The following SPATA13 variants were observed in gnomAD, a reference collection of about 807,000 sequenced individuals.
The protein encoded by SPATA13 is spermatogenesis associated 13.
SPATA13 carries 50 observed loss-of-function variants against 104.0 expected under a neutral mutation model. The observed-to-expected ratio is 0.48, with a 90% CI of 0.38 to 0.61. SPATA13 has a LOEUF of 0.61. Among genes scored for constraint, SPATA13 ranks in the 20% least tolerant of loss-of-function variants. The pLI is 0.00. For missense variants in SPATA13, 1,524 were observed against 1,690.6 expected (o/e 0.90, Z 1.73); for synonymous variants, 606 against 667.5 (o/e 0.91, Z 1.42).
chr13:24,278,873 T>TTTCCTCCCTTCC (rs1875221764), intron 4 of SPATA13: 1 of 1,090,772 alleles, frequency 9.2e-7, no homozygotes, highest in Admixed American at 3.7e-5. Flanking sequence ...GCTGTTTTTC[T>TTTCCTCCCTTCC]TTCCTTCCTT....
In SPATA13 at chr13:23,993,978, T is replaced by C. The variant is rs572403741; in HGVS notation, c.-147+10045T>C. On this transcript the variant is annotated intron_variant, in intron 2 of 14. Coordinates refer to the SPATA13 transcript ENST00000424834. ...TGGGTGATGGTGGTGGTGTTTTTTT[T>C]TTTTTTTCTTTTTTTTTTTTGACAA... 4.8e-3 allele frequency among the ~76,000 whole-genome samples: 527 copies of C among 110,084 alleles called. 4 individuals are homozygous for C. Among genetic ancestry groups the C allele is most frequent in the African/African-American group, 0.017 (497 of 29,884 alleles). The allele number at this position is 110,084 out of a possible 152,430, so 72.2% of individuals were successfully genotyped here.
chr13:24,100,702 G>A (rs1447350768), intron 3 of SPATA13, among the ~76,000 whole-genome samples: 1 of 151,992 alleles, frequency 6.6e-6, no homozygotes, highest in African/African-American at 2.4e-5. Flanking sequence ...CTACTCACCA[G>A]TTCTGTTTCT....
At chr13:24,129,010 G>A (rs1881309934) in intron 3 of SPATA13, among the ~76,000 whole-genome samples, 2 of 152,330 alleles carry the variant, frequency 1.3e-5, no homozygotes, top group Middle Eastern at 3.4e-3. Context: ...ACTCTACACC[G>A]GGGTAAGTGA....
At chr13:24,210,487 A>G (rs187974217) in intron 1 of SPATA13, among the ~76,000 whole-genome samples, 170 of 152,212 alleles carry the variant, frequency 1.1e-3, no homozygotes, top group Non-Finnish European at 1.8e-3. Context: ...GTGGATATTC[A>G]GTTTTCCCAG....
At position 24,224,082 on chromosome 13, in the gene SPATA13, G is replaced by T; in HGVS notation, c.1153G>T (p.Ala385Ser). The T allele has an allele frequency of 1.3e-6, 2 of 1,551,008 alleles. No homozygotes were observed. Among genetic ancestry groups the T allele is most frequent in the Non-Finnish European group, 1.7e-6 (2 of 1,146,852 alleles). ...CGGGGCGGTCATGCATGGGACCACT[G>T]CAACCTGCACCGTGGCCCCCGGTTT... is the stretch of plus-strand genomic sequence containing the variant. Reference protein sequence around the residue: ...RGGAVMHGTTATCTVAPGFGS... With the variant: ...RGGAVMHGTTSTCTVAPGFGS... The change falls in exon 2 of 13, where the codon GCA becomes TCA. Residue 385 changes from alanine (A) to serine (S), a missense_variant. Transcript: ENST00000382108.
In SPATA13 at chr13:24,282,170, G is replaced by T. The variant is rs538220899; in HGVS notation, c.2165-1965G>T. ...CAGGAGGCTAAGCATGATGGTGGGG[G>T]GTGGGAGTCTGGGGCTGGACGTGTG... On this transcript the variant is annotated intron_variant, in intron 4 of 12. Transcript: ENST00000382108. Among the ~76,000 whole-genome samples, 35 of 152,008 alleles carry T rather than the reference G, an allele frequency of 2.3e-4. 1 individual carries two copies. Among genetic ancestry groups the T allele is most frequent in the Non-Finnish European group, 4.6e-4 (31 of 68,004 alleles).
intron 3 of SPATA13, chr13:24,017,768 C>G: frequency 1.1e-6 from 1 of 903,694 alleles, no homozygotes; most frequent in Non-Finnish European, 1.3e-6. Flanking sequence ...ATCCTACCTC[C>G]ATTTGCAGAT....
intron 2 of SPATA13, chr13:24,224,784 T>G (rs1212871539): frequency 1.5e-6 from 1 of 665,438 alleles, no homozygotes; most frequent in East Asian, 2.8e-5. Flanking sequence ...TTGAAATAAA[T>G]TGACAATGTA....
chr13:24,280,391 C>G (rs1195009729), intron 4 of SPATA13, among the ~76,000 whole-genome samples: 1 of 152,140 alleles, frequency 6.6e-6, no homozygotes, highest in Non-Finnish European at 1.5e-5. Context: ...AAAGAATTCT[C>G]CCTTGGAAAA....
At chr13:24,176,987 ACTC>A (rs1868472808) in intron 1 of SPATA13, among the ~76,000 whole-genome samples, 1 of 151,740 alleles carries the variant, frequency 6.6e-6, no homozygotes, top group African/African-American at 2.4e-5. Context: ...TAAGTCTCAA[ACTC>A]CTGACCTCAG....
chr13:23,993,427 A>G (rs1435915631), intron 2 of SPATA13, among the ~76,000 whole-genome samples: 1 of 152,208 alleles, frequency 6.6e-6, no homozygotes, highest in East Asian at 1.9e-4. Flanking sequence ...CACATCATCA[A>G]ACATATTTCC....
intron 2 of SPATA13, among the ~76,000 whole-genome samples, chr13:24,236,942 A>G (rs1361465855): frequency 1.3e-5 from 2 of 152,206 alleles, no homozygotes; most frequent in African/African-American, 4.8e-5. Flanking sequence ...TTAGACACCC[A>G]TGTTCATAGC....
intron 3 of SPATA13, among the ~76,000 whole-genome samples, chr13:24,104,108 T>G (rs2137805223): frequency 6.6e-6 from 1 of 152,288 alleles, no homozygotes; most frequent in Middle Eastern, 3.4e-3. Flanking sequence ...TAGAGAGCTG[T>G]AGATGACACG....
At chr13:24,028,727 C>T (rs902049181) in intron 3 of SPATA13, among the ~76,000 whole-genome samples, 6 of 152,162 alleles carry the variant, frequency 3.9e-5, no homozygotes, top group African/African-American at 1.2e-4. Context: ...TCCGTTCTTA[C>T]GCTTCAAGCT....
chr13:24,300,544 C>T (rs1203242807), intron 12 of SPATA13, 69 bp downstream of exon 12: 1 of 1,436,790 alleles, frequency 7.0e-7, no homozygotes, highest in African/African-American at 1.4e-5. Flanking sequence ...GAGCATACCC[C>T]AAGTTGTCAG....
At chr13:24,095,378 T>G (rs1355310684) in intron 3 of SPATA13, among the ~76,000 whole-genome samples, 1 of 151,984 alleles carries the variant, frequency 6.6e-6, no homozygotes, top group South Asian at 2.1e-4. Context: ...ATCATAGAGA[T>G]AGGAAATAGA....
chr13:24,144,296 C>T (rs1478293605), intron 3 of SPATA13, among the ~76,000 whole-genome samples: 1 of 152,146 alleles, frequency 6.6e-6, no homozygotes, highest in East Asian at 1.9e-4. Flanking sequence ...CACCAAAGGG[C>T]GAGAGCGGGT....
At chr13:24,053,928 T>C (rs1371049063) in intron 3 of SPATA13, among the ~76,000 whole-genome samples, 1 of 152,134 alleles carries the variant, frequency 6.6e-6, no homozygotes, top group Non-Finnish European at 1.5e-5. Context: ...GGAAGTGTTA[T>C]TATGGGGTGT....
At chr13:24,278,419 A>G (rs1875178201) in intron 4 of SPATA13, among the ~76,000 whole-genome samples, 1 of 152,158 alleles carries the variant, frequency 6.6e-6, no homozygotes, top group Admixed American at 6.5e-5. Context: ...CACCTGATAA[A>G]ATAACATCTT....
Sources: gnomAD v4.1 joint callset for allele counts (sites outside exome capture counted in the v4.1 genomes callset) on GRCh38, gnomAD v4.1.1 for gene constraint, MANE v1.5 for transcripts, NCBI Gene and HGNC (gene_info 2026-07-23, HGNC 2026-07-21) for gene names.